Variants in FBH1 observed in about 807,000 individuals in gnomAD.
FBH1 encodes the protein F-box DNA helicase 1, also known as DNA 3'-5' helicase 1.
Under a neutral mutation model 115.5 loss-of-function variants are expected in FBH1, and 43 were observed. The ratio of observed to expected loss-of-function variants is 0.37; its 90% CI spans 0.29 to 0.48. The LOEUF is 0.48. FBH1 is among the 20% of genes least tolerant of loss of function. The probability of loss-of-function intolerance (pLI) is 0.99; values close to 1 mark genes in which losing one functional copy is unlikely to be tolerated. For missense variants in FBH1, 1,001 were observed against 1,337.3 expected (o/e 0.75, Z 3.92); for synonymous variants, 524 against 507.8 (o/e 1.03, Z -0.43).
Position 5,895,068 on chromosome 10 carries a change from C to T in FBH1, c.1+4722C>T. On this transcript the variant is annotated intron_variant, in intron 1 of 20. Coordinates refer to ENST00000362091, the MANE Select transcript of FBH1 (RefSeq NM_178150.3). This position sits in a 1 kb window ranked among gnomAD's most constrained non-coding sequence, Gnocchi z 5.0. ...TCCCGTTTCACAGGCTGCCATTGGA[C>T]CTGTCAAGTGCCTGAGTCATGTGAT... 6 of 1,612,666 alleles carry T rather than the reference C, an allele frequency of 3.7e-6. No individual in the cohort carries two copies. The highest frequency in any genetic ancestry group is 4.2e-6 in the Non-Finnish European group (5 of 1,179,136).
Position 5,933,342 on chromosome 10 carries a change from C to T in FBH1, c.2830-3114C>T, listed in dbSNP as rs190837458. On this transcript the variant is annotated intron_variant, in intron 19 of 20. Coordinates refer to ENST00000362091, the MANE Select transcript of FBH1 (RefSeq NM_178150.3). The surrounding 1 kb of genome is among the most constrained non-coding windows in gnomAD (Gnocchi z 4.9). ...GGCAGAGGTTGCAGTAGGCTGAAATCGTGCCACTGCACTCCAGTGTGGGCA... is the reference window on the plus strand; with the variant it reads ...GGCAGAGGTTGCAGTAGGCTGAAATTGTGCCACTGCACTCCAGTGTGGGCA... Among the ~76,000 whole-genome samples the T allele has an allele frequency of 1.0e-3, 158 of 152,278 alleles. No homozygotes were observed. The highest frequency in any genetic ancestry group is 3.4e-3 in the African/African-American group (143 of 41,552).
At chr10:5,926,119 C>CTTA (rs1832637347) in intron 18 of FBH1, among the ~76,000 whole-genome samples, 173 of 103,760 alleles carry the variant, frequency 1.7e-3, no homozygotes, top group African/African-American at 4.6e-3. Context: ...TCTTATTCTT[C>CTTA]TTATTATTAT....
intron 19 of FBH1, 128 bp downstream of exon 19, chr10:5,927,669 G>A: frequency 1.5e-6 from 1 of 670,152 alleles, no homozygotes; most frequent in East Asian, 2.7e-5. Flanking sequence ...AACGCTGCTT[G>A]AACGTGCAAA....
At chr10:5,908,430 T>A (rs931789549) in intron 3 of FBH1, among the ~76,000 whole-genome samples, 5 of 152,346 alleles carry the variant, frequency 3.3e-5, no homozygotes, top group African/African-American at 1.2e-4. Flanking sequence ...CCAGATTCTT[T>A]AACTATAACA....
rs929689052 is a variant in FBH1, at chr10:5,917,862, A to T, written c.1963+186A>T. Among the ~76,000 whole-genome samples, 1 of 152,190 alleles carries T rather than the reference A, an allele frequency of 6.6e-6. No homozygotes were observed. The highest frequency in any genetic ancestry group is 2.4e-5 in the African/African-American group (1 of 41,432). ...CCCAAGCAGATTTCTCTGTCACCAT[A>T]GGTTTTGCTTAGGTTGTTCTTAACA... On this transcript the variant is annotated intron_variant, in intron 12 of 20. Transcript: ENST00000362091. The surrounding 1 kb of genome is among the most constrained non-coding windows in gnomAD (Gnocchi z 5.6).
chr10:5,890,236 G>A (rs1842614972), upstream of FBH1: 1 of 358,860 alleles, frequency 2.8e-6, no homozygotes, highest in Non-Finnish European at 5.2e-6. Context: ...GGCGTCTCGG[G>A]CTCCAGGTCC....
chr10:5,915,018 T>C lies in FBH1; in HGVS notation c.1397-385T>C, dbSNP rs1217036193. ...AGGTGGTGGAGGTGGAATTCAAAGC[T>C]GGACCTGTCTCTCTCCAGAGACATG... is the stretch of plus-strand genomic sequence containing the variant. On this transcript the variant is annotated intron_variant, in intron 8 of 20. Coordinates refer to ENST00000362091, the MANE Select transcript of FBH1 (RefSeq NM_178150.3). This position sits in a 1 kb window ranked among gnomAD's most constrained non-coding sequence, Gnocchi z 5.2. Among the ~76,000 whole-genome samples, 1 of 152,192 alleles carries C rather than the reference T, an allele frequency of 6.6e-6. No individual in the cohort carries two copies. The highest frequency in any genetic ancestry group is 1.5e-5 in the Non-Finnish European group (1 of 68,028).
intron 1 of FBH1, chr10:5,891,230 G>A: frequency 2.1e-6 from 2 of 961,490 alleles, no homozygotes; most frequent in Non-Finnish European, 2.5e-6. Context: ...ATGGGCCCAT[G>A]AAGATAAGTC....
Position 5,903,059 on chromosome 10 carries a change from G to T in FBH1, c.41G>T (p.Cys14Phe). ...FKRKHLTAID[C>F]QHLARSHLAV... ...CGGAAGCATCTTACTGCCATTGACT[G>T]CCAGCATTTGGCTCGGAGTCACTTG... Residue 14 changes from cysteine (C) to phenylalanine (F), a missense_variant, in exon 2 of 21, where the codon TGC becomes TTC. By Grantham distance (205) the Cys-to-Phe change is radical. Transcript: ENST00000362091. 1 of 1,613,392 alleles carries T rather than the reference G, an allele frequency of 6.2e-7. No homozygotes were observed. The highest frequency in any genetic ancestry group is 1.3e-5 in the African/African-American group (1 of 74,990).
intron 6 of FBH1, among the ~76,000 whole-genome samples, chr10:5,912,256 C>A (rs759580366): frequency 3.3e-5 from 5 of 151,428 alleles, no homozygotes; most frequent in Non-Finnish European, 5.9e-5. Context: ...CCCAGCTACT[C>A]GGGAAGCTGA....
At chr10:5,920,295 G>T (rs1254764763) in intron 13 of FBH1, among the ~76,000 whole-genome samples, 2 of 152,236 alleles carry the variant, frequency 1.3e-5, no homozygotes, top group African/African-American at 4.8e-5. Context: ...TGGTGTTGAG[G>T]TGCATACTGT....
rs760468220 is a variant in FBH1, at chr10:5,937,195, C to G, written c.3047C>G (p.Ser1016Cys). The G allele has an allele frequency of 1.2e-6, 2 of 1,614,066 alleles. No individual in the cohort carries two copies. Among genetic ancestry groups the G allele is most frequent in the South Asian group, 2.2e-5 (2 of 91,032 alleles). ...GGGCCCCTGGCGTTCCTGACAGCCT[C>G]CCCGGAGCAGGTGCGCGCCATGGAG... ...RIGPLAFLTA[S>C]PEQVRAMERT... Residue 1016 changes from serine (S) to cysteine (C), a missense_variant, in exon 21 of 21, where the codon TCC (serine) becomes TGC (cysteine). Ser to Cys is a moderately radical substitution (Grantham distance 112, BLOSUM62 -1). Coordinates refer to ENST00000362091, the MANE Select transcript of FBH1 (RefSeq NM_178150.3).
At position 5,924,935 on chromosome 10, in the gene FBH1, G is replaced by C; in HGVS notation, c.2596+427G>C. 1 of 358,150 alleles carries C rather than the reference G, an allele frequency of 2.8e-6. No homozygotes were observed. Among genetic ancestry groups the C allele is most frequent in the African/African-American group, 2.1e-5 (1 of 47,224 alleles). 22.2% of individuals were successfully genotyped at this position (358,150 alleles called of 1,614,324 possible). ...TGGCTTTATTGCTTAAGGGAAAGGG[G>C]AGCAGAGTCCTGGTTCTTCCTCAGG... is the stretch of plus-strand genomic sequence containing the variant. On this transcript the variant is annotated intron_variant, in intron 17 of 20. Transcript: ENST00000362091. This position sits in a 1 kb window ranked among gnomAD's most constrained non-coding sequence, Gnocchi z 6.2.
rs1237821418 is a variant in FBH1, at chr10:5,900,930, C to G, written c.2-2090C>G. Among the ~76,000 whole-genome samples, 1 of 152,050 alleles carries G rather than the reference C, an allele frequency of 6.6e-6. No individual in the cohort carries two copies. Among genetic ancestry groups the G allele is most frequent in the Non-Finnish European group, 1.5e-5 (1 of 68,018 alleles). ...TGGCCAACATAGTAAAACCCCGTCT[C>G]TACTAAAGATACAAAAGTTAGCTGG... On this transcript the variant is annotated intron_variant, in intron 1 of 20. Coordinates refer to ENST00000362091, the MANE Select transcript of FBH1 (RefSeq NM_178150.3). This position sits in a 1 kb window ranked among gnomAD's most constrained non-coding sequence, Gnocchi z 4.2.
Position 5,913,481 on chromosome 10 carries a change from C to T in FBH1, c.1212-266C>T, listed in dbSNP as rs765660263. Among the ~76,000 whole-genome samples the T allele has an allele frequency of 3.3e-5, 5 of 152,158 alleles. No individual in the cohort carries two copies. The highest frequency in any genetic ancestry group is 5.9e-5 in the Non-Finnish European group (4 of 68,026). ...TTGTCTCTTCAAGTCACAGCTGGCG[C>T]CCCTCATTCCCTGAAGAGCCCGTCC... is the stretch of plus-strand genomic sequence containing the variant. On this transcript the variant is annotated intron_variant, in intron 6 of 20. Coordinates refer to ENST00000362091, the MANE Select transcript of FBH1 (RefSeq NM_178150.3). This position sits in a 1 kb window ranked among gnomAD's most constrained non-coding sequence, Gnocchi z 4.4.
chr10:5,904,438 C>A (rs77106109), intron 2 of FBH1, among the ~76,000 whole-genome samples: 118 of 152,278 alleles, frequency 7.7e-4, no homozygotes, highest in African/African-American at 2.6e-3. Flanking sequence ...TGAGTTTGTT[C>A]CATATATAGA....
chr10:5,890,427 G>C (rs1350167531), intron 1 of FBH1, 81 bp downstream of exon 1: 11 of 352,728 alleles, frequency 3.1e-5, no homozygotes, highest in Non-Finnish European at 1.1e-5. Flanking sequence ...GTCCTGCGCG[G>C]GGGGTCCGGG....
In FBH1 at chr10:5,915,720, T is replaced by C. The variant is rs1007577330; in HGVS notation, c.1565+149T>C. ...CACTTACAGGCAGGAAACAAATACA[T>C]AGGTTTAGCCATTTGTACTTTTATC... On this transcript the variant is annotated intron_variant, in intron 9 of 20. Coordinates refer to ENST00000362091, the MANE Select transcript of FBH1 (RefSeq NM_178150.3). This position sits in a 1 kb window ranked among gnomAD's most constrained non-coding sequence, Gnocchi z 5.2. 33 of 674,202 alleles carry C rather than the reference T, an allele frequency of 4.9e-5. No homozygotes were observed. Among genetic ancestry groups the C allele is most frequent in the Middle Eastern group, 4.1e-4 (1 of 2,440 alleles). 41.8% of individuals were successfully genotyped at this position (674,202 alleles called of 1,614,324 possible).
chr10:5,936,760 A>G lies in FBH1; in HGVS notation c.2961+173A>G. 1.2e-6 allele frequency: 1 copy of G among 823,794 alleles called. No individual in the cohort carries two copies. 51.0% of individuals were successfully genotyped at this position (823,794 alleles called of 1,614,324 possible). A position where few individuals can be genotyped will look rare whatever the true frequency, so the allele number is the denominator to read the frequency against. On this transcript the variant is annotated intron_variant, in intron 20 of 20. Transcript: ENST00000362091. This position sits in a 1 kb window ranked among gnomAD's most constrained non-coding sequence, Gnocchi z 5.6. Reference sequence around the variant, plus strand: ...GTGGTCTGTCCCAGGGTCAGAGGTCAGGGCACGTGATGCTGCCTGGCTGTG... The same window carrying G: ...GTGGTCTGTCCCAGGGTCAGAGGTCGGGGCACGTGATGCTGCCTGGCTGTG...
Sources: gnomAD v4.1 joint callset for allele counts (sites outside exome capture counted in the v4.1 genomes callset) on GRCh38, gnomAD v4.1.1 for gene constraint, Gnocchi (gnomAD v3.1) non-coding constraint, MANE v1.5 for transcripts, NCBI Gene and HGNC (gene_info 2026-07-23, HGNC 2026-07-21) for gene names.